CCPG1: variants seen among roughly 807,000 people sequenced by gnomAD.
The protein encoded by CCPG1 is cell cycle progression 1, also known as cell cycle progression protein 1.
Under a neutral mutation model 81.3 loss-of-function variants are expected in CCPG1, and 46 were observed. The observed-to-expected ratio is 0.57, with a 90% CI of 0.45 to 0.72. The LOEUF is 0.72. Ranked by LOEUF, CCPG1 falls within the 30% of genes least tolerant of loss-of-function variation. CCPG1 has a pLI of 0.00. For synonymous variants in CCPG1, 330 were observed against 305.2 expected (o/e 1.08, Z -0.85); for missense variants, 902 against 937.6 (o/e 0.96, Z 0.50).
At chr15:55,363,799 CTTTTTTTTT>C (rs565044184) in intron 7 of CCPG1, among the ~76,000 whole-genome samples, 2 of 93,942 alleles carry the variant, frequency 2.1e-5, no homozygotes, top group Non-Finnish European at 3.9e-5. Context: ...TTTCCTTTTC[CTTTTTTTTT>C]TTTTTTTTTT....
chr15:55,380,797 G>A (rs1040500195), intron 3 of CCPG1, among the ~76,000 whole-genome samples: 5 of 151,830 alleles, frequency 3.3e-5, no homozygotes, highest in Admixed American at 6.6e-5. Context: ...GGCAGACCAC[G>A]AGGTCAGGAG....
intron 1 of CCPG1, among the ~76,000 whole-genome samples, chr15:55,399,026 G>C (rs1333002448): frequency 1.3e-5 from 2 of 152,066 alleles, no homozygotes; most frequent in Non-Finnish European, 1.5e-5. Flanking sequence ...ACTCTTCTAA[G>C]TGCTGAAGAT....
At chr15:55,381,435 C>T (rs2056693307) in intron 3 of CCPG1, among the ~76,000 whole-genome samples, 1 of 151,918 alleles carries the variant, frequency 6.6e-6, no homozygotes, top group Non-Finnish European at 1.5e-5. Context: ...GACTCTGTCT[C>T]ATAAAGAAAA....
Position 55,377,047 on chromosome 15 carries a change from T to C in CCPG1, c.356A>G (p.Asn119Ser). The change falls in exon 5 of 9, where the codon AAT becomes AGT. Residue 119 changes from asparagine (N) to serine (S), a missense_variant. Around this residue, in one of 3 missense-constraint regions of CCPG1, gnomAD observed 746 missense variants for 728.6 expected, o/e 1.02. Coordinates refer to ENST00000442196, the MANE Select transcript of CCPG1 (RefSeq NM_001204450.2). ...LEPPKLEEIGNQEVVIVEEAQ... is the reference protein window; with the variant it reads ...LEPPKLEEIGSQEVVIVEEAQ... ...TTCTTCAACAATGACAACTTCTTGATTTCCAATTTCTTCTAACTTAGGTGG... is the reference window on the plus strand; with the variant it reads ...TTCTTCAACAATGACAACTTCTTGACTTCCAATTTCTTCTAACTTAGGTGG... The C allele has an allele frequency of 1.2e-6, 2 of 1,613,888 alleles. No individual in the cohort carries two copies. Among genetic ancestry groups the C allele is most frequent in the Non-Finnish European group, 1.7e-6 (2 of 1,179,866 alleles).
Position 55,389,395 on chromosome 15 carries a change from T to G in CCPG1, c.30A>C (p.Ser10=), listed in dbSNP as rs372720027. 3.7e-6 allele frequency: 6 copies of G among 1,611,492 alleles called. No individual in the cohort carries two copies. The highest frequency in any genetic ancestry group is 3.3e-5 in the Admixed American group (2 of 59,998). MSENSSDSD[S]SCGWTVISHE... is the part of the protein sequence containing the mutation. ...GACTGATGACAGTCCAACCACAAGA[T>G]GAATCACTGTCACTGGAATTTTCAG... Residue 10 remains serine (S), a synonymous_variant, in exon 2 of 9, where the codon TCA becomes TCC. Transcript: ENST00000442196.
chr15:55,358,849 G>C (rs1365694888), intron 8 of CCPG1: 25 of 970,998 alleles, frequency 2.6e-5, no homozygotes, highest in Non-Finnish European at 3.1e-5. Context: ...TTATTTTATA[G>C]ACACATTATA....
At chr15:55,373,460 T>C (rs551064575) in intron 5 of CCPG1, among the ~76,000 whole-genome samples, 4 of 152,298 alleles carry the variant, frequency 2.6e-5, no homozygotes, top group African/African-American at 9.6e-5. Context: ...TTCAGTTCAC[T>C]TTCACACTTA....
Position 55,355,288 on chromosome 15 carries a change from A to G in CCPG1, c.*932T>C. On this transcript the variant is annotated 3_prime_UTR_variant, in exon 9 of 9. Coordinates refer to ENST00000442196, the MANE Select transcript of CCPG1 (RefSeq NM_001204450.2). ...CTTAAACATTTATTTGCTTCTAGGA[A>G]ATAAGCGCTTTCCTAATTTCAAGCA... The G allele has an allele frequency of 6.2e-7, 1 of 1,604,874 alleles. No individual in the cohort carries two copies. The highest frequency in any genetic ancestry group is 8.5e-7 in the Non-Finnish European group (1 of 1,174,764).
intron 8 of CCPG1, chr15:55,356,701 T>C: frequency 9.2e-7 from 1 of 1,090,984 alleles, no homozygotes; most frequent in Admixed American, 5.0e-5. Flanking sequence ...TTTCCATTAT[T>C]TTTCCTCCTT....
At chr15:55,378,817 G>C (rs934016330) in intron 3 of CCPG1, among the ~76,000 whole-genome samples, 1 of 152,020 alleles carries the variant, frequency 6.6e-6, no homozygotes, top group Non-Finnish European at 1.5e-5. Context: ...GGCTGGTCTC[G>C]AACTCCTGAC....
At position 55,391,871 on chromosome 15, in the gene CCPG1, T is replaced by C. The variant is rs530416572; in HGVS notation, c.-9-2438A>G. On this transcript the variant is annotated intron_variant, in intron 1 of 8. Transcript: ENST00000442196. ...GGTAATACAGTGAAACCTTGACTCT[T>C]TAAAAAAAAAAAAAAAGGGGGGGGG... 1.2e-4 allele frequency among the ~76,000 whole-genome samples: 9 copies of C among 76,514 alleles called. No homozygotes were observed. The South Asian group carries it at 5.4e-3, about 46-fold the overall frequency. The allele number at this position is 76,514 out of a possible 152,430, so 50.2% of individuals were successfully genotyped here.
At chr15:55,365,794 G>A (rs2056314713) in intron 6 of CCPG1, among the ~76,000 whole-genome samples, 2 of 151,128 alleles carry the variant, frequency 1.3e-5, no homozygotes, top group African/African-American at 4.9e-5. Context: ...TACATAAATA[G>A]AGAATAAGTA....
At chr15:55,374,164 C>A (rs1044535711) in intron 5 of CCPG1, 42 of 1,288,562 alleles carry the variant, frequency 3.3e-5, no homozygotes, top group South Asian at 4.9e-5. Context: ...CCTTGGAAAG[C>A]GAGTTGGCTA....
intron 6 of CCPG1, among the ~76,000 whole-genome samples, chr15:55,365,734 A>C (rs1359896525): frequency 6.6e-6 from 1 of 151,932 alleles, no homozygotes; most frequent in African/African-American, 2.4e-5. Context: ...AATCTTGACA[A>C]TCATTTCATT....
chr15:55,396,615 T>G (rs1204742752), intron 1 of CCPG1, among the ~76,000 whole-genome samples: 1 of 152,232 alleles, frequency 6.6e-6, no homozygotes, highest in African/African-American at 2.4e-5. Flanking sequence ...TCAAAAACCT[T>G]AGACTTATGT....
chr15:55,387,289 C>T (rs1459742975), intron 2 of CCPG1, among the ~76,000 whole-genome samples: 2 of 152,194 alleles, frequency 1.3e-5, no homozygotes, highest in African/African-American at 4.8e-5. Context: ...CCATAGCTGC[C>T]TTGCTCCTAT....
intron 7 of CCPG1, 99 bp downstream of exon 7, chr15:55,365,089 T>C (rs961489593): frequency 3.6e-5 from 25 of 698,686 alleles, no homozygotes; most frequent in Middle Eastern, 8.4e-4. Context: ...ATCAGCATTA[T>C]TACTGATTTA....
intron 5 of CCPG1, chr15:55,374,204 T>A (rs1224150011): frequency 7.8e-7 from 1 of 1,288,810 alleles, no homozygotes; most frequent in East Asian, 5.5e-5. Flanking sequence ...GATCATCCCA[T>A]CCCCATATGC....
chr15:55,384,995 T>G (rs1241440639), intron 3 of CCPG1, among the ~76,000 whole-genome samples: 1 of 152,142 alleles, frequency 6.6e-6, no homozygotes, highest in African/African-American at 2.4e-5. Context: ...AAATAGAAAC[T>G]ACCAAACAAA....
Sources: allele counts gnomAD v4.1 joint callset (sites outside exome capture counted in the v4.1 genomes callset), GRCh38; gene constraint gnomAD v4.1.1; regional missense constraint gnomAD v4.1.1; transcripts MANE v1.5; gene names NCBI Gene and HGNC (gene_info 2026-07-23, HGNC 2026-07-21).